Variants in ABTB2 observed in about 807,000 individuals in gnomAD.
The protein encoded by ABTB2 is ankyrin repeat and BTB domain containing 2, also known as ankyrin repeat and BTB/POZ domain-containing protein 2.
ABTB2 carries 56 observed loss-of-function variants against 104.1 expected under a neutral mutation model. That is an observed-to-expected ratio of 0.54 (90% confidence interval 0.43 to 0.67). The LOEUF (loss-of-function observed/expected upper bound fraction) is 0.67. ABTB2 is among the 30% of genes least tolerant of loss of function. The pLI is 0.00. For synonymous variants in ABTB2, 606 were observed against 608.2 expected, an observed-to-expected ratio of 1.00 and a Z score of 0.05; for missense variants, 1,279 against 1,407.7, an observed-to-expected ratio of 0.91 and a Z score of 1.46.
At chr11:34,248,465 A>G (rs759357760) in intron 1 of ABTB2, among the ~76,000 whole-genome samples, 1 of 152,084 alleles carries the variant, frequency 6.6e-6, no homozygotes, top group Non-Finnish European at 1.5e-5. Context: ...CTTCCTTACT[A>G]CCTTTAATTA....
chr11:34,260,694 C>T (rs1355941020), intron 1 of ABTB2, among the ~76,000 whole-genome samples: 1 of 152,184 alleles, frequency 6.6e-6, no homozygotes, highest in African/African-American at 2.4e-5. Context: ...AGCATCCAAT[C>T]GGTACCCCTC....
At chr11:34,317,795 T>TA (rs1854955497) in intron 1 of ABTB2, among the ~76,000 whole-genome samples, 2 of 151,990 alleles carry the variant, frequency 1.3e-5, no homozygotes, top group South Asian at 2.1e-4. Flanking sequence ...AACGGCTTTT[T>TA]AAAAAAATTT....
chr11:34,183,315 G>C (rs1447690583), intron 3 of ABTB2, among the ~76,000 whole-genome samples: 3 of 152,306 alleles, frequency 2.0e-5, no homozygotes, highest in Non-Finnish European at 2.9e-5. Context: ...GCCCGGGCTG[G>C]TCTTGAACCC....
At chr11:34,324,694 G>A (rs1015538580) in intron 1 of ABTB2, among the ~76,000 whole-genome samples, 5 of 152,222 alleles carry the variant, frequency 3.3e-5, no homozygotes, top group African/African-American at 1.2e-4. Context: ...TCTGAGGCTT[G>A]GCATGCAAGT....
At chr11:34,246,202 C>G (rs2611090) in intron 1 of ABTB2, among the ~76,000 whole-genome samples, 92,258 of 152,026 alleles carry the variant, frequency 0.61, 28,262 homozygotes, top group African/African-American at 0.67. Flanking sequence ...TCCCCTCAGG[C>G]AATTCTGTGG....
chr11:34,314,468 A>G (rs1038598274), intron 1 of ABTB2, among the ~76,000 whole-genome samples: 4 of 152,240 alleles, frequency 2.6e-5, no homozygotes, highest in Non-Finnish European at 5.9e-5. Flanking sequence ...AGGAATGACT[A>G]GAAAAGTCAA....
At chr11:34,221,263 G>C (rs113096853) in intron 1 of ABTB2, among the ~76,000 whole-genome samples, 2 of 152,114 alleles carry the variant, frequency 1.3e-5, no homozygotes, top group South Asian at 4.1e-4. Context: ...GAGCCACCAC[G>C]CCTGGCCCAT....
At chr11:34,250,423 T>A (rs1394302203) in intron 1 of ABTB2, among the ~76,000 whole-genome samples, 1 of 152,202 alleles carries the variant, frequency 6.6e-6, no homozygotes, top group African/African-American at 2.4e-5. Context: ...AAAGTGACGA[T>A]AAATGTGAAT....
At position 34,170,969 on chromosome 11, in the gene ABTB2, C is replaced by A; in HGVS notation, c.1500G>T (p.Thr500=). 1.9e-6 allele frequency: 3 copies of A among 1,614,174 alleles called. No individual in the cohort carries two copies. Among genetic ancestry groups the A allele is most frequent in the African/African-American group, 1.3e-5 (1 of 75,028 alleles). ...CCTCGATGGCTTGGTTGATGAGGTC[C>A]GTCCTCCCACAGTTGAGCATGCGGA... ...LGFRMLNCGR[T]DLINQAIEAL... Residue 500 remains threonine, a synonymous_variant, in exon 5 of 17, where the codon ACG becomes ACT. Transcript: ENST00000435224.
In ABTB2 at chr11:34,324,397, T is replaced by C. The variant is rs140920277; in HGVS notation, c.883+32304A>G. On this transcript the variant is annotated intron_variant, in intron 1 of 16. Transcript: ENST00000435224. ...CAATGGATTTCTGAATTCTTTCTTC[T>C]GAGCCTGAATTCACCACAGTGCTCC... 8.1e-3 allele frequency among the ~76,000 whole-genome samples: 1,233 copies of C among 152,364 alleles called. 25 individuals are homozygous for C. Among genetic ancestry groups the C allele is most frequent in the African/African-American group, 0.028 (1,167 of 41,590 alleles).
intron 1 of ABTB2, among the ~76,000 whole-genome samples, chr11:34,277,799 C>CTTTTTT (rs1163442976): frequency 4.1e-5 from 5 of 120,722 alleles, no homozygotes; most frequent in Admixed American, 8.4e-5. Context: ...AACAGATTCT[C>CTTTTTT]TTTTTTTTTT....
rs535215573 is a variant in ABTB2 at position 34,265,422 on chromosome 11, A to G, written c.884-60732T>C. Among the ~76,000 whole-genome samples, 17 of 152,264 alleles carry G rather than the reference A, an allele frequency of 1.1e-4. No individual in the cohort carries two copies. The South Asian group carries it at 3.3e-3, about 30-fold the overall frequency. ...ATGCCTGTAATCCCAGCACTTTGGG[A>G]GGCCAAGGTGGGCAAATCACCTGAG... On this transcript the variant is annotated intron_variant, in intron 1 of 16. Transcript: ENST00000435224.
At position 34,239,296 on chromosome 11, in the gene ABTB2, C is replaced by T. The variant is rs564421315; in HGVS notation, c.884-34606G>A. ...TGTCAGGGATGGATAATGCAGTCTA[C>T]CCTGAGGCTGAGCCAACCAAGGCTT... On this transcript the variant is annotated intron_variant, in intron 1 of 16. Transcript: ENST00000435224. Among the ~76,000 whole-genome samples the T allele has an allele frequency of 2.8e-4, 42 of 152,238 alleles. No individual in the cohort carries two copies. In the South Asian group the frequency reaches 7.3e-3, roughly 26 times the overall value.
chr11:34,229,338 A>G (rs563239446), intron 1 of ABTB2, among the ~76,000 whole-genome samples: 44 of 148,330 alleles, frequency 3.0e-4, no homozygotes, highest in South Asian at 1.1e-3. Context: ...AAAATTAGCC[A>G]GGTGTGGTGG....
chr11:34,174,769 C>G (rs1852939803), intron 3 of ABTB2, among the ~76,000 whole-genome samples: 1 of 152,196 alleles, frequency 6.6e-6, no homozygotes, highest in South Asian at 2.1e-4. Context: ...CCAGAATGGA[C>G]GGAGCTCTTT....
rs528582730 is a variant in ABTB2, at chr11:34,172,398, ATAT to A, written c.1397+754_1397+756del. ...AAAAAAAAAAAAAAAAAAAAAAAAT[ATAT>A]ATATATATATATATATATGTGTGTG... On this transcript the variant is annotated intron_variant, in intron 4 of 16. Coordinates refer to ENST00000435224, the MANE Select transcript of ABTB2 (RefSeq NM_145804.3). Among the ~76,000 whole-genome samples the A allele has an allele frequency of 9.1e-3, 273 of 29,964 alleles. 3 individuals are homozygous for A. Among genetic ancestry groups the A allele is most frequent in the Middle Eastern group, 0.017 (1 of 58 alleles). 19.7% of individuals were successfully genotyped at this position (29,964 alleles called of 152,430 possible).
chr11:34,304,046 T>C (rs1030921363), intron 1 of ABTB2, among the ~76,000 whole-genome samples: 2 of 152,172 alleles, frequency 1.3e-5, no homozygotes, highest in African/African-American at 4.8e-5. Flanking sequence ...AAGTTTTAAA[T>C]CGAGTGCCGC....
intron 1 of ABTB2, among the ~76,000 whole-genome samples, chr11:34,290,861 T>C (rs1854559216): frequency 6.6e-6 from 1 of 152,244 alleles, no homozygotes; most frequent in African/African-American, 2.4e-5. Context: ...GCTTAAACTA[T>C]TTCTCATGTT....
chr11:34,214,553 TTTTA>T (rs1405256001), intron 1 of ABTB2, among the ~76,000 whole-genome samples: 155 of 140,664 alleles, frequency 1.1e-3, no homozygotes, highest in African/African-American at 3.8e-3. Flanking sequence ...TTTTTTTTTT[TTTTA>T]AAGTCAGGTT....
Sources: gnomAD v4.1 joint callset for allele counts (sites outside exome capture counted in the v4.1 genomes callset) on GRCh38, gnomAD v4.1.1 for gene constraint, MANE v1.5 for transcripts, NCBI Gene and HGNC (gene_info 2026-07-23, HGNC 2026-07-21) for gene names.